Variants in ZNF717 observed in about 807,000 individuals in gnomAD.
ZNF717 encodes the protein krueppel-like factor X17.
Under a neutral mutation model 13.8 loss-of-function variants are expected in ZNF717, and 9 were observed. That is an observed-to-expected ratio of 0.65 (90% confidence interval 0.39 to 1.14). ZNF717 has a LOEUF of 1.14. Ranked by LOEUF, ZNF717 falls within the 50% of genes most tolerant of loss-of-function variation. The pLI, the probability that ZNF717 is intolerant of heterozygous loss-of-function variation, is 0.01. For synonymous variants in ZNF717, 327 were observed against 364.1 expected, an observed-to-expected ratio of 0.90 and a Z score of 1.16; for missense variants, 1,040 against 1,080.7, an observed-to-expected ratio of 0.96 and a Z score of 0.53.
chr3:75,747,981 A>C (rs2107321101), intron 2 of ZNF717, among the ~76,000 whole-genome samples: 1 of 152,342 alleles, frequency 6.6e-6, no homozygotes, highest in East Asian at 1.9e-4. Flanking sequence ...GAAGAATCAA[A>C]TATACGCAAT....
At chr3:75,714,798 T>G (rs1226446367) in intron 5 of ZNF717, among the ~76,000 whole-genome samples, 2 of 152,176 alleles carry the variant, frequency 1.3e-5, no homozygotes, top group Non-Finnish European at 1.5e-5. Flanking sequence ...TAAAAAGCAT[T>G]TAGGTTAATT....
chr3:75,772,719 G>A (rs1022712511), intron 2 of ZNF717, among the ~76,000 whole-genome samples: 2 of 152,220 alleles, frequency 1.3e-5, no homozygotes, highest in African/African-American at 4.8e-5. Flanking sequence ...CCCTTGGCAG[G>A]CGTGGGATCC....
At chr3:75,742,850 T>C (rs1361226375) in intron 2 of ZNF717, among the ~76,000 whole-genome samples, 1 of 152,266 alleles carries the variant, frequency 6.6e-6, no homozygotes, top group Non-Finnish European at 1.5e-5. Context: ...GATAACTCTC[T>C]TATATAAACT....
At chr3:75,762,723 A>C (rs1449163169) in intron 2 of ZNF717, among the ~76,000 whole-genome samples, 4 of 152,218 alleles carry the variant, frequency 2.6e-5, no homozygotes, top group Non-Finnish European at 4.4e-5. Flanking sequence ...ACTCATATGG[A>C]ATCTCCAGGG....
intron 4 of ZNF717, 122 bp from the exon 5 acceptor site, chr3:75,739,467 G>A: frequency 1.7e-6 from 1 of 577,612 alleles, no homozygotes. Flanking sequence ...AATAAATATG[G>A]GTATTGGTTT....
At chr3:75,767,581 G>C (rs1256622815) in intron 2 of ZNF717, among the ~76,000 whole-genome samples, 1 of 152,226 alleles carries the variant, frequency 6.6e-6, no homozygotes, top group Non-Finnish European at 1.5e-5. Context: ...GTGAGGGCCT[G>C]AAGGACAGTG....
Position 75,754,420 on chromosome 3 carries a change from T to C in ZNF717, c.58-12684A>G, listed in dbSNP as rs535431389. Among the ~76,000 whole-genome samples the C allele has an allele frequency of 1.8e-4, 27 of 147,906 alleles. No individual in the cohort carries two copies. In the East Asian group the frequency reaches 5.1e-3, roughly 28 times the overall value. On this transcript the variant is annotated intron_variant, in intron 2 of 4. Coordinates refer to ENST00000652011, the MANE Select transcript of ZNF717 (RefSeq NM_001290208.3). ...TCAGAAGCAGACAAACCTATGATTT[T>C]GGAATTTTTTTTTTAAACCTCTGGA...
chr3:75,738,510 T>C lies in ZNF717; in HGVS notation c.1113A>G (p.Glu371=). 6.5e-7 allele frequency: 1 copy of C among 1,530,794 alleles called. No homozygotes were observed. The highest frequency in any genetic ancestry group is 8.8e-7 in the Non-Finnish European group (1 of 1,132,182). 94.8% of individuals were successfully genotyped at this position (1,530,794 alleles called of 1,614,324 possible). Residue 371 remains glutamate (E), a synonymous_variant, in exon 5 of 5, where the codon GAA becomes GAG. Coordinates refer to ENST00000652011, the MANE Select transcript of ZNF717 (RefSeq NM_001290208.3). ...HTGDKPYKCI[E]CGKTFHCKSL... ...ACTTACAGTGAAAAGTTTTTCCACA[T>C]TCAATACATTTGTAGGGTTTATCCC...
At chr3:75,773,505 G>A (rs372353935) in intron 2 of ZNF717, among the ~76,000 whole-genome samples, 4,661 of 86,848 alleles carry the variant, frequency 0.054, no homozygotes, top group Middle Eastern at 0.073. Context: ...GGCCCATCTG[G>A]GAGCAAGTTT....
intron 5 of ZNF717, chr3:75,711,387 C>G (rs1252574685): frequency 6.6e-6 from 1 of 152,090 alleles, no homozygotes; most frequent in Non-Finnish European, 1.5e-5. Flanking sequence ...CTTCGTGAAC[C>G]ACTTAATTTC....
downstream of ZNF717, among the ~76,000 whole-genome samples, chr3:75,729,615 C>CAAAAAA (rs369485280): frequency 2.3e-4 from 27 of 115,532 alleles, no homozygotes; most frequent in East Asian, 5.7e-4. Context: ...AACTCCATAT[C>CAAAAAA]AAAAAAAAAA....
intron 2 of ZNF717, among the ~76,000 whole-genome samples, chr3:75,780,035 C>T (rs1350100515): frequency 6.7e-6 from 1 of 148,232 alleles, no homozygotes; most frequent in Non-Finnish European, 1.5e-5. Flanking sequence ...ACGTGCTAAA[C>T]CAGAACCCAA....
chr3:75,739,061 T>C lies in ZNF717; in HGVS notation c.562A>G (p.Arg188Gly), dbSNP rs1939971429. The change falls in exon 5 of 5, where the codon AGA becomes GGA. Residue 188 changes from arginine (R) to glycine (G), a missense_variant. This residue lies in a region of ZNF717 where 873 missense variants were observed against 832.8 expected (regional missense o/e 1.05). Transcript: ENST00000652011. ...EKPHVCDITRRSHRHHEHLTQ... is the reference protein window; with the variant it reads ...EKPHVCDITRGSHRHHEHLTQ... Reference sequence around the variant, plus strand: ...AGATGTTCATGATGTCTGTGGGATCTCCTGGTTATATCACAGACATGAGGT... The same window carrying C: ...AGATGTTCATGATGTCTGTGGGATCCCCTGGTTATATCACAGACATGAGGT... 2 of 1,551,544 alleles carry C rather than the reference T, an allele frequency of 1.3e-6. No individual in the cohort carries two copies. Among genetic ancestry groups the C allele is most frequent in the South Asian group, 2.4e-5 (2 of 84,068 alleles).
rs1264142740 is a variant in ZNF717 at position 75,736,000 on chromosome 3, G to A, written c.*878C>T. The A allele has an allele frequency of 6.6e-6, 1 of 152,080 alleles. No homozygotes were observed. The highest frequency in any genetic ancestry group is 1.5e-5 in the Non-Finnish European group (1 of 68,024). 9.4% of individuals were successfully genotyped at this position (152,080 alleles called of 1,614,324 possible). ...CACCATGGGCTCACTTCACATCTCTGTCACATCTTTTGGCAATCCCAATCT... is the reference window on the plus strand; with the variant it reads ...CACCATGGGCTCACTTCACATCTCTATCACATCTTTTGGCAATCCCAATCT... On this transcript the variant is annotated 3_prime_UTR_variant, in exon 5 of 5. Coordinates refer to ENST00000652011, the MANE Select transcript of ZNF717 (RefSeq NM_001290208.3).
chr3:75,724,685 A>G (rs1938241232), intron 4 of ZNF717, among the ~76,000 whole-genome samples: 1 of 152,230 alleles, frequency 6.6e-6, no homozygotes, highest in Admixed American at 6.5e-5. Flanking sequence ...TGGCATGTTT[A>G]TTTAAGCAAC....
At chr3:75,755,820 A>G (rs1200367615) in intron 2 of ZNF717, among the ~76,000 whole-genome samples, 1 of 152,290 alleles carries the variant, frequency 6.6e-6, no homozygotes. Context: ...GGTAGACAAG[A>G]GAATGAAGAC....
At chr3:75,768,368 G>T (rs1231212518) in intron 2 of ZNF717, among the ~76,000 whole-genome samples, 1 of 133,056 alleles carries the variant, frequency 7.5e-6, no homozygotes, top group Non-Finnish European at 1.7e-5. Flanking sequence ...TGTGGGGGGG[G>T]GGGGTAGATG....
chr3:75,742,310 AG>A lies in ZNF717; in HGVS notation c.58-575del, dbSNP rs371695814. On this transcript the variant is annotated intron_variant, in intron 2 of 4. Transcript: ENST00000652011. ...CTGCACTCCAGCCTGACCAACAGAG[AG>A]CCTACCTCTCAAAAAAAAAAAAAAA... Among the ~76,000 whole-genome samples the A allele has an allele frequency of 4.6e-3, 663 of 143,408 alleles. No individual in the cohort carries two copies. The Middle Eastern group carries it at 0.05, about 11-fold the overall frequency. 94.1% of individuals were successfully genotyped at this position (143,408 alleles called of 152,430 possible). A position where few individuals can be genotyped will look rare whatever the true frequency, so the allele number is the denominator to read the frequency against.
intron 2 of ZNF717, among the ~76,000 whole-genome samples, chr3:75,773,596 T>C (rs1944062101): frequency 6.6e-6 from 1 of 152,154 alleles, no homozygotes; most frequent in Non-Finnish European, 1.5e-5. Flanking sequence ...CTGGACAGAA[T>C]GAAAAATGTT....
Sources: allele counts gnomAD v4.1 joint callset (sites outside exome capture counted in the v4.1 genomes callset), GRCh38; gene constraint gnomAD v4.1.1; regional missense constraint gnomAD v4.1.1; transcripts MANE v1.5; gene names NCBI Gene and HGNC (gene_info 2026-07-23, HGNC 2026-07-21).